NOVA1: variants seen among roughly 807,000 people sequenced by gnomAD.
The protein encoded by NOVA1 is NOVA alternative splicing regulator 1, also known as RNA-binding protein Nova-1.
In NOVA1, 7 loss-of-function variants were observed where a neutral mutation model predicts 38.0. That is an observed-to-expected ratio of 0.18 (90% CI 0.10 to 0.35). The LOEUF (loss-of-function observed/expected upper bound fraction) is 0.35. NOVA1 is among the 10% of genes least tolerant of loss of function. NOVA1 has a pLI of 1.00. For missense variants in NOVA1, 460 were observed against 616.0 expected (o/e 0.75, Z 2.68); for synonymous variants, 270 against 232.5 (o/e 1.16, Z -1.47).
intron 2 of NOVA1, among the ~76,000 whole-genome samples, chr14:26,584,564 T>C (rs537364586): frequency 1.3e-5 from 2 of 151,372 alleles, no homozygotes; most frequent in Non-Finnish European, 3.0e-5. Context: ...TGTACAGATA[T>C]CTATAGTGCC....
At chr14:26,570,555 ATATGTG>A (rs147784142) in intron 2 of NOVA1, among the ~76,000 whole-genome samples, 3,400 of 152,194 alleles carry the variant, frequency 0.022, 100 homozygotes, top group African/African-American at 0.068. Context: ...ACACATTTGT[ATATGTG>A]TATGTGTATA....
At chr14:26,502,205 A>C (rs1443126685) in intron 2 of NOVA1, among the ~76,000 whole-genome samples, 1 of 151,558 alleles carries the variant, frequency 6.6e-6, no homozygotes, top group Non-Finnish European at 1.5e-5. Flanking sequence ...ACTGAATTTT[A>C]TTTGCTTTAC....
At chr14:26,596,724 C>T in intron 1 of NOVA1, 2 of 1,278,918 alleles carry the variant, frequency 1.6e-6, no homozygotes, top group Non-Finnish European at 2.0e-6. Context: ...TATGCACCCC[C>T]CTGAAGACAA....
chr14:26,453,164 T>TTG (rs1882845841), intron 4 of NOVA1, among the ~76,000 whole-genome samples: 1 of 125,132 alleles, frequency 8.0e-6, no homozygotes, highest in South Asian at 2.6e-4. Context: ...ACTGCTTCAA[T>TTG]TATGTATGTA....
chr14:26,504,171 C>T (rs1209209549), intron 2 of NOVA1, among the ~76,000 whole-genome samples: 1 of 152,102 alleles, frequency 6.6e-6, no homozygotes. Flanking sequence ...ACTGGCTTTT[C>T]TGATGTCAAG....
At chr14:26,453,558 T>C (rs1882908367) in intron 4 of NOVA1, among the ~76,000 whole-genome samples, 1 of 152,180 alleles carries the variant, frequency 6.6e-6, no homozygotes, top group Non-Finnish European at 1.5e-5. Flanking sequence ...AAAGAACTTC[T>C]ATAACAATCC....
chr14:26,503,256 A>AT (rs1434449798), intron 2 of NOVA1, among the ~76,000 whole-genome samples: 8 of 151,974 alleles, frequency 5.3e-5, no homozygotes, highest in Non-Finnish European at 8.8e-5. Context: ...CCAAAAGAAA[A>AT]TGAGCTAGGT....
chr14:26,514,428 G>C (rs1240697835), intron 2 of NOVA1, among the ~76,000 whole-genome samples: 1 of 151,658 alleles, frequency 6.6e-6, no homozygotes, highest in Non-Finnish European at 1.5e-5. Context: ...TTATAACAAA[G>C]TGTTCAGATT....
chr14:26,517,908 G>C (rs1888586536), intron 2 of NOVA1, among the ~76,000 whole-genome samples: 1 of 152,046 alleles, frequency 6.6e-6, no homozygotes, highest in Non-Finnish European at 1.5e-5. Flanking sequence ...AAATTCTGAA[G>C]AAATATACTT....
intron 4 of NOVA1, among the ~76,000 whole-genome samples, chr14:26,458,307 C>T (rs1328550803): frequency 1.3e-5 from 2 of 151,946 alleles, no homozygotes; most frequent in Non-Finnish European, 2.9e-5. Flanking sequence ...ACTATTTGAC[C>T]CAGCAATCTC....
At chr14:26,480,190 T>G in intron 2 of NOVA1, 47 bp from the exon 3 acceptor site, 1 of 1,518,240 alleles carries the variant, frequency 6.6e-7, no homozygotes, top group Non-Finnish European at 8.9e-7. Context: ...CACTTTGCAT[T>G]AAAAAAATTA....
chr14:26,518,691 T>C (rs181080901), intron 2 of NOVA1, among the ~76,000 whole-genome samples: 37 of 152,204 alleles, frequency 2.4e-4, no homozygotes, highest in Non-Finnish European at 4.7e-4. Context: ...TTTTGAAATA[T>C]ACAATATTGT....
chr14:26,501,694 C>T (rs995222237), intron 2 of NOVA1, among the ~76,000 whole-genome samples: 5 of 151,448 alleles, frequency 3.3e-5, no homozygotes, highest in African/African-American at 9.7e-5. Flanking sequence ...TTGAAAGTTC[C>T]GCTTTGGCAA....
At chr14:26,508,259 A>G (rs1001408846) in intron 2 of NOVA1, among the ~76,000 whole-genome samples, 1 of 152,060 alleles carries the variant, frequency 6.6e-6, no homozygotes, top group Non-Finnish European at 1.5e-5. Context: ...GATTGAGCAT[A>G]AAGTAAAATG....
chr14:26,523,537 G>A (rs1362721300), intron 2 of NOVA1, among the ~76,000 whole-genome samples: 1 of 152,110 alleles, frequency 6.6e-6, no homozygotes, highest in East Asian at 1.9e-4. Flanking sequence ...CTAAGATTGA[G>A]AAGCAATGTA....
intron 2 of NOVA1, among the ~76,000 whole-genome samples, chr14:26,488,361 C>A (rs1052873838): frequency 1.3e-5 from 2 of 152,106 alleles, no homozygotes; most frequent in Non-Finnish European, 2.9e-5. Flanking sequence ...TAGATGTTGT[C>A]CAGCTTGTCG....
At chr14:26,518,835 G>T (rs574707389) in intron 2 of NOVA1, among the ~76,000 whole-genome samples, 1 of 151,972 alleles carries the variant, frequency 6.6e-6, no homozygotes, top group East Asian at 1.9e-4. Context: ...CTGATGTTTG[G>T]GATACAAATG....
intron 2 of NOVA1, among the ~76,000 whole-genome samples, chr14:26,490,928 C>G (rs1886289572): frequency 6.8e-6 from 1 of 146,020 alleles, no homozygotes; most frequent in East Asian, 2.1e-4. Flanking sequence ...CGGCTCACTG[C>G]AAGCTCCACC....
At chr14:26,468,210 GA>G (rs1884297076) in intron 4 of NOVA1, among the ~76,000 whole-genome samples, 1 of 152,074 alleles carries the variant, frequency 6.6e-6, no homozygotes, top group African/African-American at 2.4e-5. Flanking sequence ...AGGTCCTGTG[GA>G]GAGGGACGTG....
Sources: allele counts gnomAD v4.1 joint callset (sites outside exome capture counted in the v4.1 genomes callset), GRCh38; gene constraint gnomAD v4.1.1; transcripts MANE v1.5; gene names NCBI Gene and HGNC (gene_info 2026-07-23, HGNC 2026-07-21).